Variants in FRYL observed in about 807,000 individuals in gnomAD.
FRYL encodes FRY like transcription coactivator.
Under a neutral mutation model 351.2 loss-of-function variants are expected in FRYL, and 150 were observed. The observed-to-expected ratio is 0.43, with a 90% confidence interval of 0.37 to 0.49. The LOEUF (loss-of-function observed/expected upper bound fraction) is 0.49. Ranked by LOEUF, FRYL falls within the 20% of genes least tolerant of loss-of-function variation. FRYL has a pLI of 0.00. For missense variants in FRYL, 3,036 were observed against 3,619.3 expected, an observed-to-expected ratio of 0.84 and a Z score of 4.13; for synonymous variants, 1,153 against 1,257.1, an observed-to-expected ratio of 0.92 and a Z score of 1.75.
intron 25 of FRYL, among the ~76,000 whole-genome samples, chr4:48,573,872 A>C (rs574483438): frequency 1.3e-5 from 2 of 152,178 alleles, no homozygotes; most frequent in African/African-American, 4.8e-5. Flanking sequence ...TCTTACACTA[A>C]CATAGTTAAT....
intron 30 of FRYL, 88 bp from the exon 31 acceptor site, chr4:48,564,190 C>A: frequency 7.9e-7 from 1 of 1,264,898 alleles, no homozygotes; most frequent in Non-Finnish European, 1.1e-6. Context: ...TAATATAGTG[C>A]ATATATTCAT....
At position 48,710,521 on chromosome 4, in the gene FRYL, C is replaced by T. The variant is rs1330040470; in HGVS notation, c.-206G>A. The T allele has an allele frequency of 2.5e-6, 1 of 398,462 alleles. No homozygotes were observed. Among genetic ancestry groups the T allele is most frequent in the Non-Finnish European group, 4.4e-6 (1 of 226,072 alleles). The allele number at this position is 398,462 out of a possible 1,614,324, so 24.7% of individuals were successfully genotyped here. A position where few individuals can be genotyped will look rare whatever the true frequency, so the allele number is the denominator to read the frequency against. On this transcript the variant is annotated splice_region_variant and 5_prime_UTR_variant, in exon 2 of 64. In the 5' UTR this introduces an upstream ATG that the reference lacks. Transcript: ENST00000358350. ...AGAGGAAATATACATGTCCTTACCACTTAGAAATGGTTGTTGAGGCACAGA... is the reference window on the plus strand; with the variant it reads ...AGAGGAAATATACATGTCCTTACCATTTAGAAATGGTTGTTGAGGCACAGA...
chr4:48,636,057 T>C (rs1001199030), intron 3 of FRYL, among the ~76,000 whole-genome samples: 1 of 152,138 alleles, frequency 6.6e-6, no homozygotes, highest in Non-Finnish European at 1.5e-5. Flanking sequence ...AAAATAAACA[T>C]CTTTGTGTCA....
At chr4:48,527,234 T>C (rs1052335205) in intron 53 of FRYL, among the ~76,000 whole-genome samples, 6 of 152,136 alleles carry the variant, frequency 3.9e-5, no homozygotes, top group African/African-American at 1.4e-4. Context: ...ACCCTGAAAA[T>C]AATTTTGAAG....
rs1742176270 is a variant in FRYL, at chr4:48,586,739, C to A, written c.1641-11G>T. ...GGTTTTCTTTCCCCCCTGAAAAATACAACAGGATTTAATAAGAAACATATT... is the reference window on the plus strand; with the variant it reads ...GGTTTTCTTTCCCCCCTGAAAAATAAAACAGGATTTAATAAGAAACATATT... On this transcript the variant is annotated splice_polypyrimidine_tract_variant and intron_variant, in intron 18 of 63. Transcript: ENST00000358350. 1 of 1,532,508 alleles carries A rather than the reference C, an allele frequency of 6.5e-7. No homozygotes were observed. 94.9% of individuals were successfully genotyped at this position (1,532,508 alleles called of 1,614,324 possible).
chr4:48,754,067 G>A (rs1773518786), intron 1 of FRYL, among the ~76,000 whole-genome samples: 1 of 152,178 alleles, frequency 6.6e-6, no homozygotes, highest in Admixed American at 6.5e-5. Context: ...CTTAAAGTGT[G>A]CAATTGAGTG....
chr4:48,632,141 A>ATC (rs1753333753), intron 4 of FRYL, among the ~76,000 whole-genome samples: 1 of 132,558 alleles, frequency 7.5e-6, no homozygotes, highest in African/African-American at 2.7e-5. Flanking sequence ...CGCACACAAA[A>ATC]TCTCAAATAT....
chr4:48,612,324 G>C (rs1239133297), intron 7 of FRYL, among the ~76,000 whole-genome samples: 1 of 152,016 alleles, frequency 6.6e-6, no homozygotes, highest in African/African-American at 2.4e-5. Context: ...TTTTGACCCT[G>C]GTAATCTTTC....
chr4:48,601,465 A>C (rs1483153299), intron 13 of FRYL, among the ~76,000 whole-genome samples: 1 of 152,194 alleles, frequency 6.6e-6, no homozygotes, highest in Non-Finnish European at 1.5e-5. Flanking sequence ...TGTTTTCAGG[A>C]CTAAGAGAGG....
At chr4:48,561,347 T>C in intron 33 of FRYL, 121 bp downstream of exon 33, 1 of 578,974 alleles carries the variant, frequency 1.7e-6, no homozygotes, top group Non-Finnish European at 2.8e-6. Context: ...AAATATTTCC[T>C]ATGTAAAGAC....
At position 48,561,626 on chromosome 4, in the gene FRYL, G is replaced by T; in HGVS notation, c.3707C>A (p.Pro1236Gln). 6.2e-7 allele frequency: 1 copy of T among 1,608,808 alleles called. No individual in the cohort carries two copies. The highest frequency in any genetic ancestry group is 1.1e-5 in the South Asian group (1 of 90,110). ...TTTGTGAGCATAGCGAAACATCTTC[G>T]GTTCCAGAATCTATAGGAATGTGAT... ...VAMQLLQILE[P>Q]KMFRYAHKLE... The change falls in exon 33 of 64, where the codon CCG becomes CAG. Residue 1236 changes from proline to glutamine, a missense_variant. Physicochemically the swap from Pro to Gln is moderately conservative, Grantham distance 76. Transcript: ENST00000358350.
rs1560572837 is a variant in FRYL, at chr4:48,544,007, C to T, written c.5402-10G>A. On this transcript the variant is annotated splice_polypyrimidine_tract_variant and intron_variant, in intron 43 of 63. Transcript: ENST00000358350. ...TCCAGATGAATTCCTTCTGTGAATG[C>T]AAAGGAAACGAGTAGGTTGTTCTTG... 6.2e-7 allele frequency: 1 copy of T among 1,611,646 alleles called. No individual in the cohort carries two copies. The highest frequency in any genetic ancestry group is 2.2e-5 in the East Asian group (1 of 44,810).
intron 41 of FRYL, 184 bp from the exon 42 acceptor site, chr4:48,546,455 G>A: frequency 1.7e-6 from 1 of 594,814 alleles, no homozygotes. Flanking sequence ...TAAGTTTTGG[G>A]GCAAACATTG....
chr4:48,548,300 T>C (rs1047534728), intron 40 of FRYL, among the ~76,000 whole-genome samples: 1 of 152,190 alleles, frequency 6.6e-6, no homozygotes, highest in Non-Finnish European at 1.5e-5. Flanking sequence ...ATAATGAGGC[T>C]ATCCAACAAC....
intron 14 of FRYL, 72 bp from the exon 15 acceptor site, chr4:48,595,770 TC>T (rs1363297790): frequency 8.8e-7 from 1 of 1,135,960 alleles, no homozygotes; most frequent in Non-Finnish European, 1.3e-6. Flanking sequence ...TTCTTCCTAT[TC>T]TTCATAATAT....
chr4:48,603,268 G>C (rs776735842), intron 12 of FRYL, 22 bp downstream of exon 12: 1 of 1,402,740 alleles, frequency 7.1e-7, no homozygotes, highest in Non-Finnish European at 1.0e-6. Flanking sequence ...AATATGAAAA[G>C]GTTTGAAATG....
chr4:48,746,243 G>A (rs1012465823), intron 1 of FRYL, among the ~76,000 whole-genome samples: 16 of 152,270 alleles, frequency 1.1e-4, no homozygotes, highest in Non-Finnish European at 2.1e-4. Flanking sequence ...CTATTGACAG[G>A]TAGCAGTTGA....
At chr4:48,603,953 T>C (rs182210841) in intron 11 of FRYL, among the ~76,000 whole-genome samples, 242 of 152,324 alleles carry the variant, frequency 1.6e-3, no homozygotes, top group Admixed American at 3.6e-3. Context: ...TGCTACCAAC[T>C]CTTTCGATGT....
At chr4:48,617,114 T>G (rs1749638774) in intron 7 of FRYL, among the ~76,000 whole-genome samples, 1 of 152,124 alleles carries the variant, frequency 6.6e-6, no homozygotes, top group South Asian at 2.1e-4. Flanking sequence ...GTATATATTT[T>G]TTGATGAGTG....
Sources: allele counts gnomAD v4.1 joint callset (sites outside exome capture counted in the v4.1 genomes callset), GRCh38; gene constraint gnomAD v4.1.1; transcripts MANE v1.5; gene names NCBI Gene and HGNC (gene_info 2026-07-23, HGNC 2026-07-21).